MBOAT4: variants seen among roughly 807,000 people sequenced by gnomAD.
MBOAT4 encodes the protein membrane-bound ghrelin O-acyltransferase MBOAT4.
MBOAT4 carries 11 observed loss-of-function variants against 13.2 expected under a neutral mutation model. The ratio of observed to expected loss-of-function variants is 0.84; its 90% CI spans 0.53 to 1.38. The LOEUF (loss-of-function observed/expected upper bound fraction) is 1.38. Ranked by LOEUF, MBOAT4 falls within the 40% of genes most tolerant of loss-of-function variation. The probability of loss-of-function intolerance (pLI) is 0.00; values close to 1 mark genes in which losing one functional copy is unlikely to be tolerated. For missense variants in MBOAT4, 481 were observed against 527.2 expected (o/e 0.91, Z 0.86); for synonymous variants, 202 against 210.3 (o/e 0.96, Z 0.34).
At chr8:30,134,990 C>T (rs1284088735) in intron 2 of MBOAT4, among the ~76,000 whole-genome samples, 1 of 152,156 alleles carries the variant, frequency 6.6e-6, no homozygotes, top group East Asian at 1.9e-4. Context: ...AGTGATCCTC[C>T]CACCTCTCCC....
At chr8:30,143,224 T>A (rs752722240) in intron 1 of MBOAT4, among the ~76,000 whole-genome samples, 2 of 152,088 alleles carry the variant, frequency 1.3e-5, no homozygotes, top group Non-Finnish European at 2.9e-5. Context: ...GGTGTGCACC[T>A]ATAGTCCCAG....
Position 30,137,852 on chromosome 8 carries a change from T to A in MBOAT4, c.344+680A>T. On this transcript the variant is annotated intron_variant, in intron 2 of 2. Coordinates refer to ENST00000320542, the MANE Select transcript of MBOAT4 (RefSeq NM_001100916.2). Reference sequence around the variant, plus strand: ...ATTAGAAATTATGGTTTAGGAGTCATGCAGCTGGAGATGACAAGATTCTGA... The same window carrying A: ...ATTAGAAATTATGGTTTAGGAGTCAAGCAGCTGGAGATGACAAGATTCTGA... 3 of 267,532 alleles carry A rather than the reference T, an allele frequency of 1.1e-5. No individual in the cohort carries two copies. The South Asian group carries it at 1.3e-4, about 12-fold the overall frequency. The allele number at this position is 267,532 out of a possible 1,614,324, so 16.6% of individuals were successfully genotyped here.
In MBOAT4 at chr8:30,144,433, G is replaced by A. The variant is rs1040648103; in HGVS notation, c.119+50C>T. ...TTACGGGCGTGAGCCACCGCACCCAGTCACTATAGTATTTCTGGATGTAAG... is the reference window on the plus strand; with the variant it reads ...TTACGGGCGTGAGCCACCGCACCCAATCACTATAGTATTTCTGGATGTAAG... On this transcript the variant is annotated intron_variant, in intron 1 of 2. Coordinates refer to ENST00000320542, the MANE Select transcript of MBOAT4 (RefSeq NM_001100916.2). 7.3e-6 allele frequency: 10 copies of A among 1,368,496 alleles called. No homozygotes were observed. The African/African-American group carries it at 1.3e-4, about 18-fold the overall frequency. 84.8% of individuals were successfully genotyped at this position (1,368,496 alleles called of 1,614,324 possible).
At chr8:30,143,118 T>C (rs1464243858) in intron 1 of MBOAT4, among the ~76,000 whole-genome samples, 1 of 152,166 alleles carries the variant, frequency 6.6e-6, no homozygotes, top group Non-Finnish European at 1.5e-5. Context: ...CATCATACAA[T>C]ATACCCACGT....
At chr8:30,140,924 AC>A (rs1163825722) in intron 1 of MBOAT4, among the ~76,000 whole-genome samples, 1 of 151,136 alleles carries the variant, frequency 6.6e-6, no homozygotes, top group Non-Finnish European at 1.5e-5. Flanking sequence ...TGCAGCCTTG[AC>A]CCCCCCGGCT....
In MBOAT4 at chr8:30,132,459, G is replaced by A; in HGVS notation, c.792C>T (p.Ser264=). 1 of 1,551,708 alleles carries A rather than the reference G, an allele frequency of 6.4e-7. No individual in the cohort carries two copies. Among genetic ancestry groups the A allele is most frequent in the Non-Finnish European group, 8.7e-7 (1 of 1,147,002 alleles). Residue 264 remains serine, a synonymous_variant, in exon 3 of 3, where the codon TCC becomes TCT. Coordinates refer to ENST00000320542, the MANE Select transcript of MBOAT4 (RefSeq NM_001100916.2). ...GCCCAAAGCCCGCTGCGTGGAGGAG[G>A]GAGTCGTCCAGGATCCAGTGGGAGT... is the stretch of plus-strand genomic sequence containing the variant. ...TYYSHWILDD[S]LLHAAGFGPE...
chr8:30,142,003 A>G (rs1302011071), intron 1 of MBOAT4, among the ~76,000 whole-genome samples: 2 of 152,140 alleles, frequency 1.3e-5, no homozygotes, highest in African/African-American at 4.8e-5. Flanking sequence ...CTGCTATGGG[A>G]AAACAAAAGG....
intron 1 of MBOAT4, among the ~76,000 whole-genome samples, chr8:30,139,339 A>T (rs958015597): frequency 6.6e-6 from 1 of 151,426 alleles, no homozygotes; most frequent in African/African-American, 2.4e-5. Flanking sequence ...AAGGTATTCC[A>T]CCGCCTGCCC....
chr8:30,141,046 G>T (rs186223743), intron 1 of MBOAT4, among the ~76,000 whole-genome samples: 2 of 152,128 alleles, frequency 1.3e-5, no homozygotes, highest in African/African-American at 2.4e-5. Flanking sequence ...TTGCCATGTT[G>T]CCCAGGCTGG....
At chr8:30,139,079 C>G (rs1407873932) in intron 1 of MBOAT4, among the ~76,000 whole-genome samples, 2 of 151,698 alleles carry the variant, frequency 1.3e-5, no homozygotes, top group Non-Finnish European at 2.9e-5. Context: ...CTCAAGTGAT[C>G]CTCCTACCTG....
intron 2 of MBOAT4, among the ~76,000 whole-genome samples, chr8:30,135,051 T>C (rs1803109354): frequency 1.1e-5 from 1 of 91,150 alleles, no homozygotes; most frequent in Non-Finnish European, 2.1e-5. Context: ...AGTTAATTTT[T>C]GTGGGTTTTT....
intron 1 of MBOAT4, among the ~76,000 whole-genome samples, chr8:30,143,347 C>CAAAA (rs776274086): frequency 3.7e-4 from 53 of 143,516 alleles, no homozygotes; most frequent in East Asian, 1.7e-3. Flanking sequence ...GACTCCGTCT[C>CAAAA]AAAAAAAAAA....
chr8:30,132,408 C>T lies in MBOAT4; in HGVS notation c.843G>A (p.Glu281=). The T allele has an allele frequency of 6.4e-7, 1 of 1,551,768 alleles. No homozygotes were observed. Among genetic ancestry groups the T allele is most frequent in the Non-Finnish European group, 8.7e-7 (1 of 1,147,014 alleles). Residue 281 remains glutamate, a synonymous_variant, in exon 3 of 3, where the codon GAG becomes GAA. Transcript: ENST00000320542. Reference sequence around the variant, plus strand: ...TGTCTGCATCGGGGACATATCCCTCCTCTCCAGGGCTCTGACCAAGCTCAG... The same window carrying T: ...TGTCTGCATCGGGGACATATCCCTCTTCTCCAGGGCTCTGACCAAGCTCAG... ...FGPELGQSPG[E]EGYVPDADIW...
In MBOAT4 at chr8:30,131,986, A is replaced by C. The variant is rs1426221102; in HGVS notation, c.1265T>G (p.Ile422Ser). ...YNSVFPMVYC[I>S]LLLLLAKRKH... ...TCTCTTCGCCAATAGCAAAAGCAGA[A>C]TACAGTACACCATGGGAAAGACACT... Residue 422 changes from isoleucine (I) to serine (S), a missense_variant, in exon 3 of 3, where the codon ATT becomes AGT. Transcript: ENST00000320542. The C allele has an allele frequency of 1.3e-6, 2 of 1,552,144 alleles. No homozygotes were observed. Among genetic ancestry groups the C allele is most frequent in the Non-Finnish European group, 1.7e-6 (2 of 1,147,108 alleles).
At chr8:30,136,371 G>T (rs556272760) in intron 2 of MBOAT4, among the ~76,000 whole-genome samples, 1 of 152,170 alleles carries the variant, frequency 6.6e-6, no homozygotes, top group Non-Finnish European at 1.5e-5. Context: ...CGCAAGCCAC[G>T]AGAATGGCCT....
chr8:30,135,823 A>T (rs1382551374), intron 2 of MBOAT4, among the ~76,000 whole-genome samples: 2 of 148,596 alleles, frequency 1.3e-5, no homozygotes, highest in Admixed American at 1.4e-4. Flanking sequence ...CTGAGGTGGG[A>T]GGATTGCTTG....
intron 2 of MBOAT4, among the ~76,000 whole-genome samples, chr8:30,136,470 C>G (rs1274228210): frequency 6.6e-6 from 1 of 152,182 alleles, no homozygotes; most frequent in East Asian, 1.9e-4. Flanking sequence ...TTGAGCCACC[C>G]AGTCTGTGGC....
chr8:30,144,399 T>A, intron 1 of MBOAT4, 84 bp downstream of exon 1: 2 of 997,728 alleles, frequency 2.0e-6, no homozygotes, highest in East Asian at 2.8e-5. Context: ...GCCTCCCAAA[T>A]TGCAGGGATT....
intron 2 of MBOAT4, among the ~76,000 whole-genome samples, chr8:30,134,441 A>C (rs1018667684): frequency 2.0e-5 from 3 of 152,090 alleles, no homozygotes; most frequent in Non-Finnish European, 2.9e-5. Context: ...AAACAAAAAA[A>C]AAAACAAAAA....
Sources: gnomAD v4.1 joint callset for allele counts (sites outside exome capture counted in the v4.1 genomes callset) on GRCh38, gnomAD v4.1.1 for gene constraint, MANE v1.5 for transcripts, NCBI Gene and HGNC (gene_info 2026-07-23, HGNC 2026-07-21) for gene names.